The following KDM4E variants were observed in gnomAD, a reference collection of about 807,000 sequenced individuals.
KDM4E encodes the protein lysine-specific demethylase 4E.
For synonymous variants in KDM4E, 229 were observed against 232.9 expected, an observed-to-expected ratio of 0.98 and a Z score of 0.15; for missense variants, 576 against 642.6, an observed-to-expected ratio of 0.90 and a Z score of 1.12.
rs1555102647 is a variant in KDM4E, at chr11:95,025,840, G to C, written c.283G>C (p.Val95Leu). The change falls in exon 1 of 1, where the codon GTG becomes CTG. Residue 95 changes from valine (V) to leucine (L), a missense_variant. Physicochemically the swap from Val to Leu is conservative, Grantham distance 32. Coordinates refer to ENST00000450979, the MANE Select transcript of KDM4E (RefSeq NM_001161630.1). ...CCATAAAAAGAAGAAAGCCATGAGG[G>C]TGGGGCAGTATCGCCGCTTGGCAAA... ...QYHKKKKAMR[V>L]GQYRRLANSK... 3 of 1,595,396 alleles carry C rather than the reference G, an allele frequency of 1.9e-6. 1 individual carries two copies. In the African/African-American group the frequency reaches 4.0e-5, roughly 21 times the overall value.
In KDM4E at chr11:95,027,293, G is replaced by A. The variant is rs149582732; in HGVS notation, c.*215G>A. The A allele has an allele frequency of 7.9e-4, 515 of 650,852 alleles. 2 individuals carry two copies. The highest frequency in any genetic ancestry group is 2.1e-3 in the Middle Eastern group (5 of 2,354). The allele number at this position is 650,852 out of a possible 1,614,324, so 40.3% of individuals were successfully genotyped here. On this transcript the variant is annotated 3_prime_UTR_variant, in exon 1 of 1. Transcript: ENST00000450979. ...TTAAGTTTTCCAGGGACACTGGTGG[G>A]GACTGGAACTGATTAAGTTCACCAG...
chr11:95,025,520 C>T lies in KDM4E; in HGVS notation c.-38C>T, dbSNP rs1555102543. On this transcript the variant is annotated 5_prime_UTR_variant, in exon 1 of 1. Coordinates refer to ENST00000450979, the MANE Select transcript of KDM4E (RefSeq NM_001161630.1). ...GAACTCTCAGGCATCTAGAGGACAC[C>T]CAAGAACGTGGGAGTCAGCTGCTTC... The T allele has an allele frequency of 2.7e-6, 4 of 1,502,436 alleles. No individual in the cohort carries two copies. Among genetic ancestry groups the T allele is most frequent in the Non-Finnish European group, 2.7e-6 (3 of 1,126,146 alleles). 93.1% of individuals were successfully genotyped at this position (1,502,436 alleles called of 1,614,324 possible). A position where few individuals can be genotyped will look rare whatever the true frequency, so the allele number is the denominator to read the frequency against.
Position 95,025,833 on chromosome 11 carries a change from C to T in KDM4E, c.276C>T (p.Ala92=), listed in dbSNP as rs1445828708. Reference sequence around the variant, plus strand: ...CTCAATACCATAAAAAGAAGAAAGCCATGAGGGTGGGGCAGTATCGCCGCT... The same window carrying T: ...CTCAATACCATAAAAAGAAGAAAGCTATGAGGGTGGGGCAGTATCGCCGCT... ...VFTQYHKKKK[A]MRVGQYRRLA... The change falls in exon 1 of 1, where the codon GCC becomes GCT. Residue 92 remains alanine, a synonymous_variant. Transcript: ENST00000450979. 1.3e-6 allele frequency: 2 copies of T among 1,594,334 alleles called. No homozygotes were observed. Among genetic ancestry groups the T allele is most frequent in the Non-Finnish European group, 1.7e-6 (2 of 1,175,972 alleles).
chr11:95,026,430 T>G lies in KDM4E; in HGVS notation c.873T>G (p.Asn291Lys). 1 of 1,612,636 alleles carries G rather than the reference T, an allele frequency of 6.2e-7. No individual in the cohort carries two copies. Among genetic ancestry groups the G allele is most frequent in the South Asian group, 1.1e-5 (1 of 91,056 alleles). ...NHGFNCAEAI[N>K]FATPRWIDYG... Reference sequence around the variant, plus strand: ...GCTTCAACTGCGCAGAAGCCATTAATTTTGCCACTCCACGATGGATTGATT... The same window carrying G: ...GCTTCAACTGCGCAGAAGCCATTAAGTTTGCCACTCCACGATGGATTGATT... Residue 291 changes from asparagine to lysine, a missense_variant, in exon 1 of 1, where the codon AAT (asparagine) becomes AAG (lysine). Physicochemically the swap from Asn to Lys is moderately conservative, Grantham distance 94. Coordinates refer to ENST00000450979, the MANE Select transcript of KDM4E (RefSeq NM_001161630.1).
rs1858283016 is a variant in KDM4E at position 95,027,210 on chromosome 11, A to G, written c.*132A>G. 3.3e-6 allele frequency: 4 copies of G among 1,206,494 alleles called. No homozygotes were observed. The East Asian group carries it at 1.0e-4, about 31-fold the overall frequency. The allele number at this position is 1,206,494 out of a possible 1,614,324, so 74.7% of individuals were successfully genotyped here. A position where few individuals can be genotyped will look rare whatever the true frequency, so the allele number is the denominator to read the frequency against. ...GTGCCTGCTATCCCTCAACAGCACT[A>G]CTAGTAATCTCCCTGATGTTGTCTG... On this transcript the variant is annotated 3_prime_UTR_variant, in exon 1 of 1. Transcript: ENST00000450979.
Position 95,026,275 on chromosome 11 carries a change from C to T in KDM4E, c.718C>T (p.Arg240Trp), listed in dbSNP as rs782053839. The T allele has an allele frequency of 5.6e-5, 90 of 1,613,896 alleles. 1 individual carries two copies. The highest frequency in any genetic ancestry group is 1.7e-4 in the Middle Eastern group (1 of 6,040). Residue 240 changes from arginine (R) to tryptophan (W), a missense_variant, in exon 1 of 1, where the codon CGG becomes TGG. Physicochemically the swap from Arg to Trp is moderately radical, Grantham distance 101. Coordinates refer to ENST00000450979, the MANE Select transcript of KDM4E (RefSeq NM_001161630.1). The stretch of plus-strand genomic sequence containing the variant: ...TTCTCGGGGCTGTGAGGCCTTCCTG[C>T]GGCACAAAGTGGCCCTCATCTCGCC... ...DISRGCEAFLRHKVALISPTV... is the reference protein window; with the variant it reads ...DISRGCEAFLWHKVALISPTV...
chr11:95,027,151 C>A lies in KDM4E; in HGVS notation c.*73C>A. ...CCTGATCTTCAACTCCTGGGGCCCC[C>A]ACTGGATCGTGATGAAACCATGCAC... is the stretch of plus-strand genomic sequence containing the variant. On this transcript the variant is annotated 3_prime_UTR_variant, in exon 1 of 1. Transcript: ENST00000450979. The A allele has an allele frequency of 2.0e-6, 3 of 1,494,826 alleles. No homozygotes were observed. The highest frequency in any genetic ancestry group is 1.9e-4 in the Middle Eastern group (1 of 5,284). The allele number at this position is 1,494,826 out of a possible 1,614,324, so 92.6% of individuals were successfully genotyped here.
At position 95,026,872 on chromosome 11, in the gene KDM4E, C is replaced by G; in HGVS notation, c.1315C>G (p.Arg439Gly). Residue 439 changes from arginine (R) to glycine (G), a missense_variant, in exon 1 of 1, where the codon CGT becomes GGT. Physicochemically the swap from Arg to Gly is moderately radical, Grantham distance 125. Transcript: ENST00000450979. ...TTCCACTGGAAGCTGGGGTTCTGGT[C>G]GTGGTCGTGGTCGTGGTCAAGGTCA... Reference protein sequence around the residue: ...LPSTGSWGSGRGRGRGQGQGR... With the variant: ...LPSTGSWGSGGGRGRGQGQGR... The G allele has an allele frequency of 6.5e-7, 1 of 1,536,722 alleles. No homozygotes were observed. The highest frequency in any genetic ancestry group is 8.7e-7 in the Non-Finnish European group (1 of 1,146,680).
rs781928029 is a variant in KDM4E, at chr11:95,026,486, G to A, written c.929G>A (p.Gly310Glu). Residue 310 changes from glycine to glutamate, a missense_variant, in exon 1 of 1, where the codon GGG becomes GAG. Gly to Glu is a moderately conservative substitution (Grantham distance 98). Coordinates refer to ENST00000450979, the MANE Select transcript of KDM4E (RefSeq NM_001161630.1). ...AAAATGGCCTCTCAGTGTAGCTGTG[G>A]GGAGTCGACAGTGACCTTTTCCATG... ...YGKMASQCSC[G>E]ESTVTFSMDP... 2 of 1,601,432 alleles carry A rather than the reference G, an allele frequency of 1.2e-6. No homozygotes were observed. The highest frequency in any genetic ancestry group is 4.5e-5 in the East Asian group (2 of 44,814).
In KDM4E at chr11:95,026,823, GA is replaced by G. The variant is rs1184658504; in HGVS notation, c.1267del (p.Met423CysfsTer58). The part of the protein sequence containing the change: ...HTQTQSLTLG[M>X]SARVLLPSTG... ...CCCAGACCCAGTCACTTACCCTGGG[GA>G]TGTCAGCCAGGGTTCTTCTCCCTTC... On this transcript the variant is annotated frameshift_variant, in exon 1 of 1. Transcript: ENST00000450979. LOFTEE classifies it low-confidence loss of function (END_TRUNC). 2.6e-6 allele frequency: 4 copies of G among 1,537,238 alleles called. No individual in the cohort carries two copies. The highest frequency in any genetic ancestry group is 3.5e-6 in the Non-Finnish European group (4 of 1,146,912).
chr11:95,026,377 T>G lies in KDM4E; in HGVS notation c.820T>G (p.Tyr274Asp). 6.2e-7 allele frequency: 1 copy of G among 1,614,082 alleles called. No individual in the cohort carries two copies. Among genetic ancestry groups the G allele is most frequent in the Non-Finnish European group, 8.5e-7 (1 of 1,180,032 alleles). Residue 274 changes from tyrosine (Y) to aspartate (D), a missense_variant, in exon 1 of 1, where the codon TAT becomes GAT. Physicochemically the swap from Tyr to Asp is radical, Grantham distance 160. Coordinates refer to ENST00000450979, the MANE Select transcript of KDM4E (RefSeq NM_001161630.1). ...EAGEFMVTFP[Y>D]GYHAGFNHGF... Reference sequence around the variant, plus strand: ...TGGGGAGTTCATGGTGACCTTTCCCTATGGCTACCATGCTGGCTTCAATCA... The same window carrying G: ...TGGGGAGTTCATGGTGACCTTTCCCGATGGCTACCATGCTGGCTTCAATCA...
At position 95,026,674 on chromosome 11, in the gene KDM4E, C is replaced by A. The variant is rs1168759199; in HGVS notation, c.1117C>A (p.Leu373Ile). ...VLRRAALGLRLLPNLTAQCPT... is the reference protein window; with the variant it reads ...VLRRAALGLRILPNLTAQCPT... ...TAGAAGAGCTGCTCTGGGCCTGAGG[C>A]TTCTCCCAAACCTCACAGCCCAGTG... Residue 373 changes from leucine to isoleucine, a missense_variant, in exon 1 of 1, where the codon CTT becomes ATT. By Grantham distance (5) the Leu-to-Ile change is conservative. Coordinates refer to ENST00000450979, the MANE Select transcript of KDM4E (RefSeq NM_001161630.1). 1.9e-5 allele frequency: 29 copies of A among 1,537,134 alleles called. No homozygotes were observed. Among genetic ancestry groups the A allele is most frequent in the Middle Eastern group, 1.7e-4 (1 of 6,012 alleles).
At position 95,026,067 on chromosome 11, in the gene KDM4E, G is replaced by C. The variant is rs555379365; in HGVS notation, c.510G>C (p.Glu170Asp). Reference sequence around the variant, plus strand: ...AGCAGGAATGTGGGGTTGTCATCGAGGGTGTCAACACACCCTACCTGTACT... The same window carrying C: ...AGCAGGAATGTGGGGTTGTCATCGACGGTGTCAACACACCCTACCTGTACT... ...LLEQECGVVI[E>D]GVNTPYLYFG... Residue 170 changes from glutamate to aspartate, a missense_variant, in exon 1 of 1, where the codon GAG becomes GAC. Transcript: ENST00000450979. 8 of 1,613,802 alleles carry C rather than the reference G, an allele frequency of 5.0e-6. No individual in the cohort carries two copies. In the Admixed American group the frequency reaches 5.0e-5, roughly 10 times the overall value.
chr11:95,026,774 C>T lies in KDM4E; in HGVS notation c.1217C>T (p.Ala406Val). 2 of 1,537,270 alleles carry T rather than the reference C, an allele frequency of 1.3e-6. No individual in the cohort carries two copies. The highest frequency in any genetic ancestry group is 2.4e-5 in the South Asian group (2 of 84,066). ...GCGTDAVPGS[A>V]FQSSAYHTQT... The stretch of plus-strand genomic sequence containing the variant: ...GGCACTGATGCTGTGCCTGGATCCG[C>T]ATTCCAAAGCTCTGCATATCATACC... Residue 406 changes from alanine (A) to valine (V), a missense_variant, in exon 1 of 1, where the codon GCA (alanine) becomes GTA (valine). Ala to Val is a moderately conservative substitution (Grantham distance 64). Transcript: ENST00000450979.
chr11:95,027,091 A>T lies in KDM4E; in HGVS notation c.*13A>T. The T allele has an allele frequency of 1.3e-6, 2 of 1,534,772 alleles. No individual in the cohort carries two copies. Among genetic ancestry groups the T allele is most frequent in the South Asian group, 2.4e-5 (2 of 83,902 alleles). ...TCTGTCCCTTTGAGTGGTGGCCTTCAGCATCTTGCCAAGGCTTCTGGCTGC... is the reference window on the plus strand; with the variant it reads ...TCTGTCCCTTTGAGTGGTGGCCTTCTGCATCTTGCCAAGGCTTCTGGCTGC... On this transcript the variant is annotated 3_prime_UTR_variant, in exon 1 of 1. Transcript: ENST00000450979.
In KDM4E at chr11:95,025,803, G is replaced by GT. The variant is rs782010250; in HGVS notation, c.249dup (p.Thr84TyrfsTer5). On this transcript the variant is annotated frameshift_variant, in exon 1 of 1. Transcript: ENST00000450979. LOFTEE classifies it low-confidence loss of function (END_TRUNC). Reference sequence around the variant, plus strand: ...AGGTGACCTCTGGGCAGGGAGGTGTGTTTACTCAATACCATAAAAAGAAGA... The same window carrying GT: ...AGGTGACCTCTGGGCAGGGAGGTGTGTTTTACTCAATACCATAAAAAGAAGA... The GT allele has an allele frequency of 6.3e-7, 1 of 1,591,680 alleles. No individual in the cohort carries two copies. Among genetic ancestry groups the GT allele is most frequent in the Non-Finnish European group, 8.5e-7 (1 of 1,174,506 alleles).
chr11:95,026,667 C>T lies in KDM4E; in HGVS notation c.1110C>T (p.Gly370=), dbSNP rs1858272651. 1 of 1,537,130 alleles carries T rather than the reference C, an allele frequency of 6.5e-7. No homozygotes were observed. The highest frequency in any genetic ancestry group is 8.7e-7 in the Non-Finnish European group (1 of 1,146,916). ...TAGTACTTAGAAGAGCTGCTCTGGG[C>T]CTGAGGCTTCTCCCAAACCTCACAG... ...DDIVLRRAAL[G]LRLLPNLTAQ... The change falls in exon 1 of 1, where the codon GGC becomes GGT. Residue 370 remains glycine, a synonymous_variant. Transcript: ENST00000450979.
In KDM4E at chr11:95,025,763, C is replaced by T. The variant is rs928476109; in HGVS notation, c.206C>T (p.Ala69Val). 29 of 1,587,782 alleles carry T rather than the reference C, an allele frequency of 1.8e-5. No homozygotes were observed. The highest frequency in any genetic ancestry group is 2.3e-5 in the Non-Finnish European group (27 of 1,172,400). Residue 69 changes from alanine to valine, a missense_variant, in exon 1 of 1, where the codon GCC becomes GTC. Ala to Val is a moderately conservative substitution (Grantham distance 64). Coordinates refer to ENST00000450979, the MANE Select transcript of KDM4E (RefSeq NM_001161630.1). ...MYDDIEDILI[A>V]TPLQQVTSGQ... is the part of the protein sequence containing the mutation. ...GATGATATCGAAGACATCTTAATAG[C>T]CACTCCCCTCCAGCAGGTGACCTCT...
In KDM4E at chr11:95,026,516, CCT is replaced by C; in HGVS notation, c.960_961del (p.Phe321CysfsTer10). 1 of 1,577,276 alleles carries C rather than the reference CCT, an allele frequency of 6.3e-7. No individual in the cohort carries two copies. Among genetic ancestry groups the C allele is most frequent in the African/African-American group, 1.3e-5 (1 of 74,668 alleles). ...TCGACAGTGACCTTTTCCATGGACCCCTTTGTGCGCATTGTGCAACCCGAGAG... is the reference window on the plus strand; with the variant it reads ...TCGACAGTGACCTTTTCCATGGACCCTTGTGCGCATTGTGCAACCCGAGAG... On this transcript the variant is annotated frameshift_variant, in exon 1 of 1. Transcript: ENST00000450979. LOFTEE classifies it low-confidence loss of function (END_TRUNC).
Sources: gnomAD v4.1 joint callset for allele counts on GRCh38, gnomAD v4.1.1 for gene constraint, MANE v1.5 for transcripts, NCBI Gene and HGNC (gene_info 2026-07-23, HGNC 2026-07-21) for gene names.